The following ATXN1 variants were observed in gnomAD, a reference collection of about 807,000 sequenced individuals.
ATXN1 encodes ataxin 1, also known as ataxin-1.
ATXN1 carries 8 observed loss-of-function variants against 56.4 expected under a neutral mutation model. The ratio of observed to expected loss-of-function variants is 0.14; its 90% CI spans 0.08 to 0.26. ATXN1 has a LOEUF of 0.26. Ranked by LOEUF, ATXN1 falls within the 10% of genes least tolerant of loss-of-function variation. The probability of loss-of-function intolerance (pLI) is 1.00; values close to 1 mark genes in which losing one functional copy is unlikely to be tolerated. For synonymous variants in ATXN1, 514 were observed against 494.6 expected (o/e 1.04, Z -0.52); for missense variants, 987 against 1,106.5 (o/e 0.89, Z 1.53).
chr6:16,626,433 AG>A (rs1763407667), intron 3 of ATXN1, among the ~76,000 whole-genome samples: 3 of 152,130 alleles, frequency 2.0e-5, no homozygotes, highest in Admixed American at 2.0e-4. Context: ...CTGGGATTAC[AG>A]GCACGCACCA....
intron 4 of ATXN1, among the ~76,000 whole-genome samples, chr6:16,585,311 A>G (rs1040178873): frequency 6.6e-6 from 1 of 152,282 alleles, no homozygotes; most frequent in African/African-American, 2.4e-5. Context: ...ATATAAATTA[A>G]ATAAATTTTA....
At chr6:16,423,974 T>C (rs923571286) in intron 6 of ATXN1, among the ~76,000 whole-genome samples, 6 of 152,224 alleles carry the variant, frequency 3.9e-5, no homozygotes, top group South Asian at 2.1e-4. Flanking sequence ...GCTGTGCCTA[T>C]AGCAGTTTGT....
At chr6:16,574,460 C>T (rs557036226) in intron 4 of ATXN1, among the ~76,000 whole-genome samples, 196 of 152,290 alleles carry the variant, frequency 1.3e-3, no homozygotes, top group East Asian at 3.5e-3. Context: ...CCGCCCGCCT[C>T]GGCCTCCCAA....
chr6:16,334,275 C>T (rs1761062177), intron 6 of ATXN1, among the ~76,000 whole-genome samples: 1 of 152,088 alleles, frequency 6.6e-6, no homozygotes, highest in South Asian at 2.1e-4. Flanking sequence ...TAAATGCCTG[C>T]CCTTGGTTTC....
intron 2 of ATXN1, among the ~76,000 whole-genome samples, chr6:16,702,509 T>C (rs1424949198): frequency 5.3e-5 from 8 of 152,118 alleles, no homozygotes; most frequent in African/African-American, 1.9e-4. Flanking sequence ...CTAAAGAGCT[T>C]CTGCACAGCC....
At chr6:16,692,465 CAAT>C (rs1759069448) in intron 2 of ATXN1, among the ~76,000 whole-genome samples, 1 of 151,950 alleles carries the variant, frequency 6.6e-6, no homozygotes, top group African/African-American at 2.4e-5. Context: ...TAGGTAGGTA[CAAT>C]AATATTAACA....
intron 6 of ATXN1, among the ~76,000 whole-genome samples, chr6:16,375,506 T>G (rs796148545): frequency 2.6e-5 from 4 of 152,186 alleles, no homozygotes; most frequent in African/African-American, 9.7e-5. Context: ...CAAAAATTCA[T>G]CATTCCCCCT....
chr6:16,421,281 C>T (rs541218031), intron 6 of ATXN1, among the ~76,000 whole-genome samples: 4 of 152,178 alleles, frequency 2.6e-5, no homozygotes, highest in Non-Finnish European at 4.4e-5. Context: ...CAAACTGAAA[C>T]CAACCCCACA....
At position 16,486,023 on chromosome 6, in the gene ATXN1, G is replaced by C. The variant is rs1382690805; in HGVS notation, c.-212C>G. 1 of 152,140 alleles carries C rather than the reference G, an allele frequency of 6.6e-6. No individual in the cohort carries two copies. Among genetic ancestry groups the C allele is most frequent in the African/African-American group, 2.4e-5 (1 of 41,416 alleles). The allele number at this position is 152,140 out of a possible 1,614,324, so 9.4% of individuals were successfully genotyped here. A position where few individuals can be genotyped will look rare whatever the true frequency, so the allele number is the denominator to read the frequency against. Reference sequence around the variant, plus strand: ...TAGCCTCAGCCTATACTTCACCATGGAGACTTCCCACAGGCTCTGGAGGGC... The same window carrying C: ...TAGCCTCAGCCTATACTTCACCATGCAGACTTCCCACAGGCTCTGGAGGGC... On this transcript the variant is annotated 5_prime_UTR_variant, in exon 6 of 8. Coordinates refer to ENST00000436367, the MANE Select transcript of ATXN1 (RefSeq NM_001128164.2).
chr6:16,311,419 C>T (rs576643681), intron 7 of ATXN1, among the ~76,000 whole-genome samples: 1 of 152,174 alleles, frequency 6.6e-6, no homozygotes, highest in Admixed American at 6.5e-5. Context: ...ATTCCTGCTA[C>T]CCCCCAACAG....
At chr6:16,753,105 CCAAA>C (rs1269654179) in intron 2 of ATXN1, 124 bp downstream of exon 2, 8 of 373,578 alleles carry the variant, frequency 2.1e-5, no homozygotes, top group African/African-American at 1.3e-4. Flanking sequence ...CACACTATGC[CCAAA>C]CAGAGTTTGC....
intron 6 of ATXN1, among the ~76,000 whole-genome samples, chr6:16,461,932 T>C (rs1272049339): frequency 6.6e-6 from 1 of 152,210 alleles, no homozygotes; most frequent in Non-Finnish European, 1.5e-5. Context: ...AAAATTCTCC[T>C]CACAAAATGG....
In ATXN1 at chr6:16,473,270, C is replaced by T. The variant is rs116550515; in HGVS notation, c.-161+12702G>A. Reference sequence around the variant, plus strand: ...TGAAAAATACCCAGCCACTCCGACCCGATATCAGGCAGTTTCAGTGACAAC... The same window carrying T: ...TGAAAAATACCCAGCCACTCCGACCTGATATCAGGCAGTTTCAGTGACAAC... On this transcript the variant is annotated intron_variant, in intron 6 of 7. Coordinates refer to ENST00000436367, the MANE Select transcript of ATXN1 (RefSeq NM_001128164.2). 5.1e-3 allele frequency among the ~76,000 whole-genome samples: 778 copies of T among 152,242 alleles called. 5 individuals are homozygous for T. Among genetic ancestry groups the T allele is most frequent in the African/African-American group, 0.018 (734 of 41,532 alleles).
At chr6:16,456,040 G>A (rs1228585686) in intron 6 of ATXN1, among the ~76,000 whole-genome samples, 3 of 152,180 alleles carry the variant, frequency 2.0e-5, no homozygotes, top group African/African-American at 7.2e-5. Context: ...ATAAAAGCGG[G>A]CCACCCCAGC....
At chr6:16,397,723 C>G (rs1240549490) in intron 6 of ATXN1, among the ~76,000 whole-genome samples, 1 of 152,180 alleles carries the variant, frequency 6.6e-6, no homozygotes, top group Non-Finnish European at 1.5e-5. Flanking sequence ...TCCAACTAAT[C>G]TATTGCTGAT....
At chr6:16,360,493 C>T (rs1761786264) in intron 6 of ATXN1, among the ~76,000 whole-genome samples, 3 of 152,184 alleles carry the variant, frequency 2.0e-5, no homozygotes, top group African/African-American at 7.2e-5. Flanking sequence ...GGCTGAGCCT[C>T]CCACATCACG....
chr6:16,752,164 C>T (rs1412075278), intron 2 of ATXN1, among the ~76,000 whole-genome samples: 3 of 152,186 alleles, frequency 2.0e-5, no homozygotes, highest in African/African-American at 7.2e-5. Flanking sequence ...TTAAATGAAC[C>T]TGTTATAAAG....
chr6:16,501,779 A>C (rs1449631852), intron 5 of ATXN1, among the ~76,000 whole-genome samples: 1 of 152,134 alleles, frequency 6.6e-6, no homozygotes, highest in Admixed American at 6.6e-5. Context: ...GCTGCAGTAA[A>C]CATATGTGTG....
intron 6 of ATXN1, among the ~76,000 whole-genome samples, chr6:16,443,983 G>T (rs1051045093): frequency 5.3e-5 from 8 of 152,090 alleles, no homozygotes; most frequent in Admixed American, 6.6e-5. Flanking sequence ...AGGCGTGGTG[G>T]CGGGCGCCTG....
Sources: gnomAD v4.1 joint callset for allele counts (sites outside exome capture counted in the v4.1 genomes callset) on GRCh38, gnomAD v4.1.1 for gene constraint, MANE v1.5 for transcripts, NCBI Gene and HGNC (gene_info 2026-07-23, HGNC 2026-07-21) for gene names.